The following SNTG1 variants were observed in gnomAD, a reference collection of about 807,000 sequenced individuals.
SNTG1 encodes the protein gamma-1-syntrophin.
A neutral mutation model predicts 74.7 loss-of-function variants in SNTG1; 39 were observed. The ratio of observed to expected loss-of-function variants is 0.52; its 90% CI spans 0.40 to 0.68. The LOEUF (loss-of-function observed/expected upper bound fraction) is 0.68. Among genes scored for constraint, SNTG1 ranks in the 30% least tolerant of loss-of-function variants. The pLI is 0.00. For synonymous variants in SNTG1, 254 were observed against 217.1 expected (o/e 1.17, Z -1.49); for missense variants, 685 against 609.5 (o/e 1.12, Z -1.30).
At chr8:50,350,628 T>G (rs2091628059) in intron 2 of SNTG1, among the ~76,000 whole-genome samples, 1 of 150,982 alleles carries the variant, frequency 6.6e-6, no homozygotes, top group Admixed American at 6.6e-5. Context: ...TAGCTCAAGG[T>G]TTGTAAACAC....
intron 2 of SNTG1, among the ~76,000 whole-genome samples, chr8:50,208,801 A>G (rs867370495): frequency 6.6e-6 from 1 of 152,070 alleles, no homozygotes; most frequent in East Asian, 1.9e-4. Flanking sequence ...CCAGATAGGA[A>G]CAGCTCCAGT....
chr8:50,740,534 G>A (rs541855854), intron 17 of SNTG1, among the ~76,000 whole-genome samples: 1 of 152,164 alleles, frequency 6.6e-6, no homozygotes, highest in East Asian at 1.9e-4. Context: ...CTTTTACCTG[G>A]TTGGTGGGAG....
intron 17 of SNTG1, among the ~76,000 whole-genome samples, chr8:50,719,590 C>T (rs10958059): frequency 0.21 from 31,378 of 152,042 alleles, 3,348 homozygotes; most frequent in South Asian, 0.31. Flanking sequence ...AAGTTTTTTG[C>T]TATTTTCATC....
chr8:50,216,914 CAACATACCAGAT>C (rs1352538312), intron 2 of SNTG1, among the ~76,000 whole-genome samples: 1 of 151,754 alleles, frequency 6.6e-6, no homozygotes, highest in Non-Finnish European at 1.5e-5. Context: ...AGAGACTAGT[CAACATACCAGAT>C]AGTATCCTGT....
At chr8:50,207,466 A>C (rs576073186) in intron 2 of SNTG1, among the ~76,000 whole-genome samples, 2 of 151,416 alleles carry the variant, frequency 1.3e-5, no homozygotes, top group Admixed American at 6.6e-5. Flanking sequence ...TTTCTTCTTT[A>C]TTAGTCTTGC....
rs554921159 is a variant in SNTG1 at position 50,402,217 on chromosome 8, C to T, written c.35C>T (p.Thr12Ile). 3.1e-6 allele frequency: 5 copies of T among 1,588,908 alleles called. No individual in the cohort carries two copies. The South Asian group carries it at 3.5e-5, about 11-fold the overall frequency. ...TTTTTTTTTAATCTGAAGACAAAGA[C>T]AGGAATTTGTTTGCTGCAGGATGGT... ...DFRTACEETKTGICLLQDGNQ... is the reference protein window; with the variant it reads ...DFRTACEETKIGICLLQDGNQ... The change falls in exon 4 of 19, where the codon ACA becomes ATA. Residue 12 changes from threonine (T) to isoleucine (I), a missense_variant. Thr to Ile is a moderately conservative substitution (Grantham distance 89, BLOSUM62 -1). Coordinates refer to ENST00000642720, the MANE Select transcript of SNTG1 (RefSeq NM_018967.5).
intron 2 of SNTG1, among the ~76,000 whole-genome samples, chr8:50,326,112 G>A (rs183228074): frequency 1.7e-4 from 26 of 151,976 alleles, no homozygotes; most frequent in African/African-American, 6.3e-4. Flanking sequence ...ATACACTGTT[G>A]GATTTTATTT....
rs560824000 is a variant in SNTG1, at chr8:50,792,379, C to T, written c.1396-292C>T. 7.9e-5 allele frequency among the ~76,000 whole-genome samples: 12 copies of T among 151,834 alleles called. No homozygotes were observed. In the South Asian group the frequency reaches 2.5e-3, roughly 32 times the overall value. ...AAGTTTATCTTTAATTGTACATTAT[C>T]AAGAGTAAAATTTTGGCAAAATATA... On this transcript the variant is annotated intron_variant, in intron 18 of 18. Coordinates refer to ENST00000642720, the MANE Select transcript of SNTG1 (RefSeq NM_018967.5).
At chr8:50,341,153 G>C (rs1171362195) in intron 2 of SNTG1, among the ~76,000 whole-genome samples, 1 of 151,902 alleles carries the variant, frequency 6.6e-6, no homozygotes, top group Non-Finnish European at 1.5e-5. Context: ...GAGAGGTTTA[G>C]TACCAAGCCT....
chr8:50,618,056 T>G (rs2094897062), intron 13 of SNTG1, among the ~76,000 whole-genome samples: 1 of 152,216 alleles, frequency 6.6e-6, no homozygotes, highest in African/African-American at 2.4e-5. Flanking sequence ...ATTAATTTAA[T>G]TTATAAAAAT....
At chr8:50,097,916 A>G (rs1324674023) in intron 1 of SNTG1, among the ~76,000 whole-genome samples, 3 of 152,210 alleles carry the variant, frequency 2.0e-5, no homozygotes, top group African/African-American at 7.2e-5. Flanking sequence ...TTCAATGGTT[A>G]TACTTGGCAT....
intron 1 of SNTG1, among the ~76,000 whole-genome samples, chr8:50,107,846 T>A (rs1235409578): frequency 6.6e-6 from 1 of 152,138 alleles, no homozygotes; most frequent in Admixed American, 6.6e-5. Context: ...CCACCATGCC[T>A]GGCTAGAAAT....
In SNTG1 at chr8:50,597,284, T is replaced by TATATACACACACATATATATAC. The variant is rs1418065963; in HGVS notation, c.849+6372_849+6373insCACACACATATATATACATATA. Among the ~76,000 whole-genome samples the TATATACACACACATATATATAC allele has an allele frequency of 2.2e-3, 325 of 150,092 alleles. 1 individual carries two copies. Among genetic ancestry groups the TATATACACACACATATATATAC allele is most frequent in the Non-Finnish European group, 4.2e-3 (284 of 67,154 alleles). ...TATAGCTGCAGAGAATATATACATATATATATACACACACATATATATACA... is the reference window on the plus strand; with the variant it reads ...TATAGCTGCAGAGAATATATACATATATATACACACACATATATATACATATATACACACACATATATATACA... On this transcript the variant is annotated intron_variant, in intron 13 of 18. Coordinates refer to ENST00000642720, the MANE Select transcript of SNTG1 (RefSeq NM_018967.5).
intron 9 of SNTG1, among the ~76,000 whole-genome samples, chr8:50,523,523 T>A (rs1350449256): frequency 6.6e-6 from 1 of 152,174 alleles, no homozygotes; most frequent in East Asian, 1.9e-4. Context: ...TTATTGTGTC[T>A]TAGGGAATAT....
chr8:50,457,571 TA>T (rs1305880090), intron 8 of SNTG1, among the ~76,000 whole-genome samples: 9 of 152,022 alleles, frequency 5.9e-5, no homozygotes, highest in African/African-American at 2.2e-4. Flanking sequence ...TCTTTAAAGG[TA>T]AAAATCATAC....
At chr8:50,194,992 G>A (rs112769461) in intron 2 of SNTG1, among the ~76,000 whole-genome samples, 1 of 152,178 alleles carries the variant, frequency 6.6e-6, no homozygotes, top group African/African-American at 2.4e-5. Flanking sequence ...GGTGGGCAGG[G>A]CCCTAGAACT....
At chr8:50,181,475 G>A (rs967170018) in intron 2 of SNTG1, among the ~76,000 whole-genome samples, 2 of 152,168 alleles carry the variant, frequency 1.3e-5, no homozygotes, top group Non-Finnish European at 2.9e-5. Context: ...AATAGGTGGG[G>A]AAGGGCAGTC....
chr8:50,520,535 C>CTGA (rs1279018780), intron 9 of SNTG1, among the ~76,000 whole-genome samples: 3 of 152,072 alleles, frequency 2.0e-5, no homozygotes, highest in Admixed American at 1.3e-4. Context: ...AAGGCAAAGG[C>CTGA]TGATATCCAG....
chr8:50,144,920 T>C (rs1012889400), intron 1 of SNTG1, among the ~76,000 whole-genome samples: 15 of 152,184 alleles, frequency 9.9e-5, no homozygotes, highest in African/African-American at 3.6e-4. Context: ...CTTGGTAATC[T>C]TGAATAAAGA....
Sources: gnomAD v4.1 joint callset for allele counts (sites outside exome capture counted in the v4.1 genomes callset) on GRCh38, gnomAD v4.1.1 for gene constraint, MANE v1.5 for transcripts, NCBI Gene and HGNC (gene_info 2026-07-23, HGNC 2026-07-21) for gene names.